ACTR10: variants seen among roughly 807,000 people sequenced by gnomAD.
ACTR10 encodes actin related protein 10, also known as actin-related protein 10.
In ACTR10, 43 loss-of-function variants were observed where a neutral mutation model predicts 56.2. The ratio of observed to expected loss-of-function variants is 0.77; its 90% confidence interval spans 0.60 to 0.99. ACTR10 has a LOEUF of 0.99. Among genes scored for constraint, ACTR10 ranks in the 50% least tolerant of loss-of-function variants. ACTR10 has a pLI of 0.00. For synonymous variants in ACTR10, 170 were observed against 176.3 expected (o/e 0.96, Z 0.28); for missense variants, 466 against 507.8 (o/e 0.92, Z 0.79).
At chr14:58,231,996 T>A in intron 11 of ACTR10, 70 bp from the exon 12 acceptor site, 1 of 957,230 alleles carries the variant, frequency 1.0e-6, no homozygotes, top group African/African-American at 1.7e-5. Context: ...TATGTATATT[T>A]TCTTAAGTTC....
intron 10 of ACTR10, among the ~76,000 whole-genome samples, chr14:58,225,807 G>A (rs756526226): frequency 1.3e-5 from 2 of 151,660 alleles, no homozygotes; most frequent in Non-Finnish European, 2.9e-5. Context: ...CCTTCTCCTG[G>A]GTTCAAGCAA....
At chr14:58,223,574 T>C in intron 8 of ACTR10, 48 bp from the exon 9 acceptor site, 6 of 1,463,400 alleles carry the variant, frequency 4.1e-6, no homozygotes, top group Non-Finnish European at 4.7e-6. Context: ...TACACTCTGT[T>C]CAATTATAAT....
chr14:58,209,164 A>G, intron 4 of ACTR10, 57 bp downstream of exon 4: 1 of 1,253,592 alleles, frequency 8.0e-7, no homozygotes. Flanking sequence ...GAGAAGCAAT[A>G]AAATTCTTAC....
rs556295478 is a variant in ACTR10, at chr14:58,229,255, G to T, written c.789-1144G>T. Reference sequence around the variant, plus strand: ...AAACAGTGGTTGTTAGGAGTTGGGAGGGGAAGGAAATGAGGAGAGGGTCAA... The same window carrying T: ...AAACAGTGGTTGTTAGGAGTTGGGATGGGAAGGAAATGAGGAGAGGGTCAA... On this transcript the variant is annotated intron_variant, in intron 10 of 12. Coordinates refer to ENST00000254286, the MANE Select transcript of ACTR10 (RefSeq NM_018477.3). Among the ~76,000 whole-genome samples the T allele has an allele frequency of 5.9e-5, 9 of 152,284 alleles. No homozygotes were observed. The East Asian group carries it at 1.5e-3, about 26-fold the overall frequency.
chr14:58,210,018 A>G (rs890240406), intron 4 of ACTR10, among the ~76,000 whole-genome samples: 3 of 152,174 alleles, frequency 2.0e-5, no homozygotes, highest in Admixed American at 6.5e-5. Context: ...GAGTCCAGGA[A>G]TTTCATTTGT....
At chr14:58,234,288 A>G in intron 12 of ACTR10, 82 bp from the exon 13 acceptor site, 1 of 1,210,486 alleles carries the variant, frequency 8.3e-7, no homozygotes, top group Admixed American at 2.6e-5. Context: ...CTTTTGTCAT[A>G]TAGTGAAGTA....
intron 10 of ACTR10, among the ~76,000 whole-genome samples, chr14:58,225,764 G>C (rs995901517): frequency 7.9e-5 from 12 of 151,392 alleles, no homozygotes; most frequent in African/African-American, 2.7e-4. Flanking sequence ...CCAGGCTGGA[G>C]TGCACTGGCG....
intron 1 of ACTR10, among the ~76,000 whole-genome samples, chr14:58,202,290 GA>G (rs1293348271): frequency 1.3e-5 from 2 of 151,772 alleles, no homozygotes; most frequent in African/African-American, 2.4e-5. Context: ...TAACAACTAG[GA>G]AAAAAGTTGG....
chr14:58,213,557 G>A (rs1049659408), intron 5 of ACTR10, 74 bp from the exon 6 acceptor site: 4 of 989,642 alleles, frequency 4.0e-6, no homozygotes, highest in Non-Finnish European at 4.5e-6. Context: ...GAACAGTACT[G>A]CAGAAGGTGA....
Position 58,200,193 on chromosome 14 carries a change from T to G in ACTR10, c.-25T>G, listed in dbSNP as rs1798942791. ...TTGTTGGCCGCGGAGACTGCGACCC[T>G]CTTCTCTCAGTCTGCCTTACTACCA... On this transcript the variant is annotated 5_prime_UTR_variant, in exon 1 of 13. Coordinates refer to ENST00000254286, the MANE Select transcript of ACTR10 (RefSeq NM_018477.3). 1 of 1,501,916 alleles carries G rather than the reference T, an allele frequency of 6.7e-7. No individual in the cohort carries two copies. Among genetic ancestry groups the G allele is most frequent in the Non-Finnish European group, 8.9e-7 (1 of 1,120,954 alleles). The allele number at this position is 1,501,916 out of a possible 1,614,324, so 93.0% of individuals were successfully genotyped here.
intron 3 of ACTR10, among the ~76,000 whole-genome samples, chr14:58,208,318 T>A (rs1888915616): frequency 6.6e-6 from 1 of 152,136 alleles, no homozygotes. Flanking sequence ...CTGTATGTAG[T>A]AGTACAGGAA....
intron 8 of ACTR10, among the ~76,000 whole-genome samples, chr14:58,222,315 T>G (rs1013445335): frequency 2.6e-5 from 4 of 152,126 alleles, no homozygotes; most frequent in African/African-American, 9.7e-5. Context: ...AAAAAATACT[T>G]TGCAATAGAA....
intron 6 of ACTR10, 142 bp from the exon 7 acceptor site, chr14:58,215,063 G>A (rs768020433): frequency 3.4e-5 from 17 of 504,702 alleles, no homozygotes; most frequent in Middle Eastern, 5.2e-4. Context: ...CTGGGATTGC[G>A]CCACTTCACT....
At chr14:58,225,141 T>C (rs548558306) in intron 10 of ACTR10, among the ~76,000 whole-genome samples, 22 of 152,278 alleles carry the variant, frequency 1.4e-4, no homozygotes, top group South Asian at 6.2e-4. Context: ...CAAAAACAGG[T>C]GGTGGCTGTA....
At chr14:58,215,777 C>T (rs895978649) in intron 7 of ACTR10, among the ~76,000 whole-genome samples, 2 of 152,066 alleles carry the variant, frequency 1.3e-5, no homozygotes, top group Admixed American at 6.6e-5. Context: ...ATATTTCCAA[C>T]TGATTATTAG....
intron 6 of ACTR10, among the ~76,000 whole-genome samples, chr14:58,214,066 T>C (rs8014085): frequency 0.32 from 49,126 of 152,074 alleles, 8,354 homozygotes; most frequent in Middle Eastern, 0.47. Context: ...AATTAAGTTA[T>C]TATTGTCTAC....
chr14:58,213,586 C>T, intron 5 of ACTR10, 45 bp from the exon 6 acceptor site: 1 of 1,371,568 alleles, frequency 7.3e-7, no homozygotes, highest in Admixed American at 2.1e-5. Flanking sequence ...TCAAGGAAAC[C>T]ACATTTTATC....
Position 58,235,417 on chromosome 14 carries a change from T to G in ACTR10, c.*866T>G, listed in dbSNP as rs1390445199. ...TGTGGAAATGTTCACTTTTTAACTT[T>G]ACAGTTTTTTTAATGAGCAATTCTA... On this transcript the variant is annotated 3_prime_UTR_variant, in exon 13 of 13. Transcript: ENST00000254286. The G allele has an allele frequency of 6.6e-6, 1 of 152,200 alleles. No individual in the cohort carries two copies. Among genetic ancestry groups the G allele is most frequent in the Non-Finnish European group, 1.5e-5 (1 of 68,036 alleles). 9.4% of individuals were successfully genotyped at this position (152,200 alleles called of 1,614,324 possible).
intron 3 of ACTR10, among the ~76,000 whole-genome samples, chr14:58,208,448 C>T (rs1239958789): frequency 6.6e-6 from 1 of 152,084 alleles, no homozygotes; most frequent in Non-Finnish European, 1.5e-5. Context: ...ATACAAACTT[C>T]TATCAGTGAT....
Sources: gnomAD v4.1 joint callset for allele counts (sites outside exome capture counted in the v4.1 genomes callset) on GRCh38, gnomAD v4.1.1 for gene constraint, MANE v1.5 for transcripts, NCBI Gene and HGNC (gene_info 2026-07-23, HGNC 2026-07-21) for gene names.